MGAT4C: variants seen among roughly 807,000 people sequenced by gnomAD.
MGAT4C encodes alpha-1,3-mannosyl-glycoprotein 4-beta-N-acetylglucosaminyltransferase C.
Under a neutral mutation model 40.1 loss-of-function variants are expected in MGAT4C, and 19 were observed. The observed-to-expected ratio is 0.47, with a 90% CI of 0.33 to 0.70. The LOEUF (loss-of-function observed/expected upper bound fraction) is 0.70. Ranked by LOEUF, MGAT4C falls within the 30% of genes least tolerant of loss-of-function variation. The pLI, the probability that MGAT4C is intolerant of heterozygous loss-of-function variation, is 0.02. For synonymous variants in MGAT4C, 181 were observed against 187.1 expected (o/e 0.97, Z 0.27); for missense variants, 491 against 563.2 (o/e 0.87, Z 1.30).
chr12:86,407,028 C>A (rs1276318479), intron 3 of MGAT4C, among the ~76,000 whole-genome samples: 1 of 152,110 alleles, frequency 6.6e-6, no homozygotes, highest in Admixed American at 6.6e-5. Flanking sequence ...TGAGTGATTA[C>A]AAACTGGGCT....
chr12:86,364,282 A>C (rs1955544774), intron 3 of MGAT4C, among the ~76,000 whole-genome samples: 1 of 152,124 alleles, frequency 6.6e-6, no homozygotes, highest in Non-Finnish European at 1.5e-5. Context: ...ACAGAACAAT[A>C]TCCCTCATGA....
rs577317283 is a variant in MGAT4C, at chr12:86,575,211, C to T, written c.-228-139946G>A. 1.0e-3 allele frequency among the ~76,000 whole-genome samples: 158 copies of T among 150,984 alleles called. 1 individual carries two copies. Among genetic ancestry groups the T allele is most frequent in the Non-Finnish European group, 1.8e-3 (122 of 67,524 alleles). On this transcript the variant is annotated intron_variant, in intron 2 of 7. Coordinates refer to the MGAT4C transcript ENST00000548651. ...TAAGCCATCCCCTCAAGCATTTATCCTTTGAGTTACAATCCAATTGCATTC... is the reference window on the plus strand; with the variant it reads ...TAAGCCATCCCCTCAAGCATTTATCTTTTGAGTTACAATCCAATTGCATTC...
intron 1 of MGAT4C, among the ~76,000 whole-genome samples, chr12:86,103,780 A>G (rs551590680): frequency 2.8e-4 from 43 of 152,260 alleles, no homozygotes; most frequent in Non-Finnish European, 5.0e-4. Context: ...TCATGCAGCC[A>G]TAGTCGATTA....
At chr12:86,155,644 C>T (rs1031582648) in intron 1 of MGAT4C, among the ~76,000 whole-genome samples, 1 of 151,976 alleles carries the variant, frequency 6.6e-6, no homozygotes, top group Non-Finnish European at 1.5e-5. Context: ...AGAAATGTTA[C>T]AACAGATGAC....
chr12:86,024,929 C>T (rs1047552516), intron 2 of MGAT4C, among the ~76,000 whole-genome samples: 1 of 151,102 alleles, frequency 6.6e-6, no homozygotes, highest in Non-Finnish European at 1.5e-5. Context: ...CTATTTTCAG[C>T]CTCTTAAGTT....
At chr12:86,838,181 A>T (rs1185510488) in intron 1 of MGAT4C, among the ~76,000 whole-genome samples, 2 of 152,200 alleles carry the variant, frequency 1.3e-5, no homozygotes, top group Non-Finnish European at 1.5e-5. Flanking sequence ...TTTAAATTAA[A>T]TACTTTCATC....
intron 1 of MGAT4C, among the ~76,000 whole-genome samples, chr12:86,119,884 A>G (rs369902971): frequency 6.6e-6 from 1 of 151,908 alleles, no homozygotes; most frequent in Non-Finnish European, 1.5e-5. Flanking sequence ...ATAATATATT[A>G]AAGTGAATAA....
chr12:86,089,824 T>C (rs193296108), intron 1 of MGAT4C, among the ~76,000 whole-genome samples: 5 of 151,904 alleles, frequency 3.3e-5, no homozygotes, highest in East Asian at 1.9e-4. Flanking sequence ...TGAGTCTTTG[T>C]CTTTGAATAC....
intron 2 of MGAT4C, among the ~76,000 whole-genome samples, chr12:85,997,545 A>G (rs1037704925): frequency 2.6e-5 from 4 of 152,248 alleles, no homozygotes; most frequent in Non-Finnish European, 4.4e-5. Flanking sequence ...TACTGCCTAG[A>G]TACAATGGAG....
intron 1 of MGAT4C, among the ~76,000 whole-genome samples, chr12:86,105,485 T>C (rs1238404483): frequency 6.6e-6 from 1 of 152,166 alleles, no homozygotes; most frequent in African/African-American, 2.4e-5. Flanking sequence ...AAAATTTTTA[T>C]CTCAAATAAC....
At chr12:86,832,535 C>T (rs889929174) in intron 1 of MGAT4C, among the ~76,000 whole-genome samples, 1 of 151,704 alleles carries the variant, frequency 6.6e-6, no homozygotes, top group Non-Finnish European at 1.5e-5. Context: ...AGCATCATAC[C>T]TGCGATTTAC....
chr12:86,061,719 T>C (rs1167932327), intron 1 of MGAT4C, among the ~76,000 whole-genome samples: 1 of 152,044 alleles, frequency 6.6e-6, no homozygotes, highest in Non-Finnish European at 1.5e-5. Flanking sequence ...GAGGCTTGAG[T>C]AGGCAGTTTT....
At chr12:86,423,542 T>G (rs989098889) in intron 3 of MGAT4C, among the ~76,000 whole-genome samples, 1 of 152,134 alleles carries the variant, frequency 6.6e-6, no homozygotes, top group Non-Finnish European at 1.5e-5. Flanking sequence ...AATGTATGCA[T>G]GTATAGCACA....
chr12:85,995,228 T>C (rs1309086238), intron 2 of MGAT4C, among the ~76,000 whole-genome samples: 1 of 152,100 alleles, frequency 6.6e-6, no homozygotes, highest in Non-Finnish European at 1.5e-5. Flanking sequence ...ACAGGGACAG[T>C]GAATCCAAAC....
intron 1 of MGAT4C, among the ~76,000 whole-genome samples, chr12:86,762,056 T>A (rs1224304020): frequency 6.8e-6 from 1 of 146,156 alleles, no homozygotes; most frequent in Non-Finnish European, 1.5e-5. Context: ...AGGCTGCACT[T>A]TTTTTTTTTT....
chr12:86,215,769 T>A (rs913698329), intron 1 of MGAT4C, among the ~76,000 whole-genome samples: 1 of 152,086 alleles, frequency 6.6e-6, no homozygotes, highest in Non-Finnish European at 1.5e-5. Context: ...CAGTTTTGTG[T>A]CAAAAGTGGG....
chr12:86,279,281 G>A (rs1448306811), intron 4 of MGAT4C, among the ~76,000 whole-genome samples: 2 of 152,104 alleles, frequency 1.3e-5, no homozygotes, highest in Admixed American at 6.5e-5. Flanking sequence ...TTAAGCCATT[G>A]GGCCCTGGCC....
At chr12:86,037,797 A>G (rs1176535954) in intron 2 of MGAT4C, among the ~76,000 whole-genome samples, 1 of 149,726 alleles carries the variant, frequency 6.7e-6, no homozygotes, top group Non-Finnish European at 1.5e-5. Flanking sequence ...CTGTCGATGT[A>G]TATTATATAT....
chr12:86,832,398 T>G (rs1166607141), intron 1 of MGAT4C, among the ~76,000 whole-genome samples: 1 of 151,834 alleles, frequency 6.6e-6, no homozygotes, highest in Admixed American at 6.6e-5. Flanking sequence ...TTCTTTAGAT[T>G]TTCTATAAGT....
Sources: gnomAD v4.1 joint callset for allele counts (sites outside exome capture counted in the v4.1 genomes callset) on GRCh38, gnomAD v4.1.1 for gene constraint, MANE v1.5 for transcripts, NCBI Gene and HGNC (gene_info 2026-07-23, HGNC 2026-07-21) for gene names.